PODXL: variants seen among roughly 807,000 people sequenced by gnomAD.
The protein encoded by PODXL is podocalyxin.
PODXL carries 20 observed loss-of-function variants against 48.9 expected under a neutral mutation model. That is an observed-to-expected ratio of 0.41 (90% CI 0.29 to 0.59). The LOEUF is 0.59. Among genes scored for constraint, PODXL ranks in the 20% least tolerant of loss-of-function variants. The pLI is 0.31. For missense variants in PODXL, 606 were observed against 675.1 expected, an observed-to-expected ratio of 0.90 and a Z score of 1.13; for synonymous variants, 295 against 287.4, an observed-to-expected ratio of 1.03 and a Z score of -0.27.
intron 1 of PODXL, among the ~76,000 whole-genome samples, chr7:131,515,960 G>A (rs1408633215): frequency 6.6e-6 from 1 of 152,126 alleles, no homozygotes; most frequent in Non-Finnish European, 1.5e-5. Context: ...TCTGACCTAG[G>A]AGAAGGCTCA....
At chr7:131,509,258 C>T in intron 4 of PODXL, 107 bp downstream of exon 4, 2 of 969,958 alleles carry the variant, frequency 2.1e-6, no homozygotes, top group Non-Finnish European at 3.3e-6. Context: ...CTGCTCAAAG[C>T]CCCAGCCAGG....
At chr7:131,525,364 AG>A (rs1276943330) in intron 1 of PODXL, among the ~76,000 whole-genome samples, 1 of 145,866 alleles carries the variant, frequency 6.9e-6, no homozygotes, top group Non-Finnish European at 1.5e-5. Flanking sequence ...CGAGGCGGAC[AG>A]ATCACCTGAG....
At chr7:131,548,819 C>T (rs1036580805) in intron 1 of PODXL, among the ~76,000 whole-genome samples, 1 of 97,364 alleles carries the variant, frequency 1.0e-5, no homozygotes, top group South Asian at 2.9e-4. Context: ...CCTTCCTGCC[C>T]ATATGCCCCC....
intron 1 of PODXL, among the ~76,000 whole-genome samples, chr7:131,544,944 G>A (rs560118316): frequency 5.3e-5 from 8 of 152,296 alleles, no homozygotes; most frequent in African/African-American, 1.9e-4. Flanking sequence ...GACAGTGCTG[G>A]CTACCAGAAC....
At chr7:131,520,238 G>T in intron 1 of PODXL, 1 of 447,224 alleles carries the variant, frequency 2.2e-6, no homozygotes. Context: ...GCTTCCTGGA[G>T]TGGGCTTCAA....
At chr7:131,540,014 C>A (rs891329041) in intron 1 of PODXL, among the ~76,000 whole-genome samples, 2 of 152,136 alleles carry the variant, frequency 1.3e-5, no homozygotes, top group Non-Finnish European at 2.9e-5. Flanking sequence ...GTCTCCAGCA[C>A]CCTCTGAGGA....
rs542313658 is a variant in PODXL, at chr7:131,548,205, C to T, written c.100+8055G>A. Reference sequence around the variant, plus strand: ...GTTTCCTGAGAGCTGTGTGCAGAGGCGAAGCTGATCTGACCGGCAAGGTGA... The same window carrying T: ...GTTTCCTGAGAGCTGTGTGCAGAGGTGAAGCTGATCTGACCGGCAAGGTGA... On this transcript the variant is annotated intron_variant, in intron 1 of 8. Coordinates refer to ENST00000378555, the MANE Select transcript of PODXL (RefSeq NM_001018111.3). 7.2e-5 allele frequency among the ~76,000 whole-genome samples: 11 copies of T among 152,304 alleles called. No homozygotes were observed. In the East Asian group the frequency reaches 7.7e-4, roughly 11 times the overall value.
In PODXL at chr7:131,504,378, C is replaced by T. The variant is rs1298022788; in HGVS notation, c.1610G>A (p.Ser537Asn). 1 of 1,614,090 alleles carries T rather than the reference C, an allele frequency of 6.2e-7. No individual in the cohort carries two copies. The highest frequency in any genetic ancestry group is 1.3e-5 in the African/African-American group (1 of 74,936). ...VVSLNGELGDSWIVPLDNLTK... is the reference protein window; with the variant it reads ...VVSLNGELGDNWIVPLDNLTK... ...CAGGTTGTCCAGAGGGACGATCCAG[C>T]TGTCCCCCAGCTCCCCGTTGAGGCT... is the stretch of plus-strand genomic sequence containing the variant. Residue 537 changes from serine (S) to asparagine (N), a missense_variant, in exon 9 of 9, where the codon AGC (serine) becomes AAC (asparagine). Physicochemically the swap from Ser to Asn is conservative, Grantham distance 46. Transcript: ENST00000378555.
chr7:131,517,694 G>A (rs968524931), intron 1 of PODXL, among the ~76,000 whole-genome samples: 1 of 108,494 alleles, frequency 9.2e-6, no homozygotes, highest in Non-Finnish European at 2.0e-5. Context: ...GCTTGTAGCT[G>A]TGTCACTGTG....
intron 1 of PODXL, among the ~76,000 whole-genome samples, chr7:131,524,379 C>CACAGAGAGAGAGAGAGAGAG (rs746255906): frequency 0.074 from 7,609 of 103,146 alleles, 609 homozygotes; most frequent in Admixed American, 0.11. Context: ...CACACACACA[C>CACAGAGAGAGAGAGAGAGAG]AGAGAGAGAG....
intron 1 of PODXL, among the ~76,000 whole-genome samples, chr7:131,537,478 G>A (rs1006463673): frequency 6.6e-5 from 10 of 152,002 alleles, no homozygotes; most frequent in African/African-American, 1.2e-4. Flanking sequence ...TCTCAGCTAC[G>A]CAGGAGGCTG....
chr7:131,542,392 AC>A (rs2116855936), intron 1 of PODXL, among the ~76,000 whole-genome samples: 1 of 152,318 alleles, frequency 6.6e-6, no homozygotes, highest in South Asian at 2.1e-4. Flanking sequence ...GCGGTGACTC[AC>A]GCCTGTAATC....
Position 131,509,561 on chromosome 7 carries a change from G to C in PODXL, c.827C>G (p.Thr276Ser). ...ITASSVISQR[T>S]QQTSSQMPAS... ...TGGCATCTGACTGGAGGTCTGTTGA[G>C]TTCTTTGCGAGATAACCGATGACGC... The change falls in exon 4 of 9, where the codon ACT becomes AGT. Residue 276 changes from threonine to serine, a missense_variant. Coordinates refer to ENST00000378555, the MANE Select transcript of PODXL (RefSeq NM_001018111.3). 1 of 1,565,294 alleles carries C rather than the reference G, an allele frequency of 6.4e-7. No individual in the cohort carries two copies. The highest frequency in any genetic ancestry group is 8.7e-7 in the Non-Finnish European group (1 of 1,153,428).
At chr7:131,548,403 T>C (rs2116866999) in intron 1 of PODXL, among the ~76,000 whole-genome samples, 1 of 152,378 alleles carries the variant, frequency 6.6e-6, no homozygotes, top group African/African-American at 2.4e-5. Context: ...CCCTAAGTTC[T>C]CTTTCCTGCC....
intron 1 of PODXL, among the ~76,000 whole-genome samples, chr7:131,531,440 G>A (rs1003184671): frequency 3.3e-5 from 5 of 152,130 alleles, no homozygotes; most frequent in Non-Finnish European, 5.9e-5. Flanking sequence ...CCTCACTCTC[G>A]CCAACCAGTG....
chr7:131,537,588 G>GCCC (rs1562915018), intron 1 of PODXL, among the ~76,000 whole-genome samples: 152 of 132,874 alleles, frequency 1.1e-3, no homozygotes, highest in Middle Eastern at 4.2e-3. Context: ...GCAAGACTCC[G>GCCC]CCCCACCCCA....
chr7:131,507,557 C>T (rs1797829661), intron 5 of PODXL, among the ~76,000 whole-genome samples: 1 of 152,086 alleles, frequency 6.6e-6, no homozygotes, highest in Non-Finnish European at 1.5e-5. Context: ...TAGCACAGAA[C>T]CCATACAAAC....
In PODXL at chr7:131,504,288, C is replaced by T. The variant is rs1797760431; in HGVS notation, c.*23G>A. The T allele has an allele frequency of 6.2e-7, 1 of 1,608,206 alleles. No individual in the cohort carries two copies. Among genetic ancestry groups the T allele is most frequent in the Non-Finnish European group, 8.5e-7 (1 of 1,175,474 alleles). On this transcript the variant is annotated 3_prime_UTR_variant, in exon 9 of 9. Transcript: ENST00000378555. ...GTTGGTCTGGAGCTCTGTGGTGCTGCTGGAGGCCACCGGCAGACCGGACTA... is the reference window on the plus strand; with the variant it reads ...GTTGGTCTGGAGCTCTGTGGTGCTGTTGGAGGCCACCGGCAGACCGGACTA...
At chr7:131,538,355 T>A (rs1034911318) in intron 1 of PODXL, among the ~76,000 whole-genome samples, 3 of 152,148 alleles carry the variant, frequency 2.0e-5, no homozygotes, top group African/African-American at 7.2e-5. Context: ...TCATCCTCCA[T>A]CATGCCCTGG....
Sources: gnomAD v4.1 joint callset for allele counts (sites outside exome capture counted in the v4.1 genomes callset) on GRCh38, gnomAD v4.1.1 for gene constraint, MANE v1.5 for transcripts, NCBI Gene and HGNC (gene_info 2026-07-23, HGNC 2026-07-21) for gene names.